The following HDAC9 variants were observed in gnomAD, a reference collection of about 807,000 sequenced individuals.
HDAC9 encodes the protein histone deacetylase 9.
A neutral mutation model predicts 139.4 loss-of-function variants in HDAC9; 41 were observed. That is an observed-to-expected ratio of 0.29 (90% CI 0.23 to 0.38). The LOEUF (loss-of-function observed/expected upper bound fraction) is 0.38, where lower values mean the gene tolerates loss of function less well. HDAC9 is among the 10% of genes least tolerant of loss of function. HDAC9 has a pLI of 1.00. For missense variants in HDAC9, 1,147 were observed against 1,297.0 expected (o/e 0.88, Z 1.78); for synonymous variants, 517 against 476.2 (o/e 1.09, Z -1.12).
At position 18,893,040 on chromosome 7, in the gene HDAC9, A is replaced by AG. The variant is rs1196841109; in HGVS notation, c.2803+18444_2803+18445insG. On this transcript the variant is annotated intron_variant, in intron 22 of 25. Transcript: ENST00000686413. ...TCAAGTAGGTAATAGGCCGAAAAAA[A>AG]AAAAAAAAAAAAAAGAAAAGAAAAG... Among the ~76,000 whole-genome samples, 444 of 148,648 alleles carry AG rather than the reference A, an allele frequency of 3.0e-3. 1 individual carries two copies. Among genetic ancestry groups the AG allele is most frequent in the Non-Finnish European group, 5.6e-3 (380 of 67,302 alleles).
chr7:18,933,028 G>C (rs551426007), intron 22 of HDAC9, among the ~76,000 whole-genome samples: 17 of 152,286 alleles, frequency 1.1e-4, no homozygotes, highest in African/African-American at 3.8e-4. Flanking sequence ...TAGTGTCCCA[G>C]ATATCCAGCA....
intron 22 of HDAC9, among the ~76,000 whole-genome samples, chr7:18,923,127 AG>A (rs770456854): frequency 6.6e-6 from 1 of 152,084 alleles, no homozygotes; most frequent in Non-Finnish European, 1.5e-5. Flanking sequence ...TATTTTCTGA[AG>A]CTATAATACT....
At chr7:18,793,270 C>CT in intron 16 of HDAC9, 75 bp from the exon 17 acceptor site, 1 of 1,034,148 alleles carries the variant, frequency 9.7e-7, no homozygotes, top group Admixed American at 2.0e-5. Flanking sequence ...ACCTCTTCCC[C>CT]TTTTACCCCT....
At chr7:18,332,384 TGTGTGTGTGAGAGA>T (rs1050530078) in intron 1 of HDAC9, among the ~76,000 whole-genome samples, 28 of 144,380 alleles carry the variant, frequency 1.9e-4, no homozygotes, top group African/African-American at 7.0e-4. Context: ...TGTGTGTGTG[TGTGTGTGTGAGAGA>T]GAGAGAGAGA....
At chr7:18,920,663 G>A (rs1378992650) in intron 22 of HDAC9, among the ~76,000 whole-genome samples, 1 of 152,044 alleles carries the variant, frequency 6.6e-6, no homozygotes, top group East Asian at 1.9e-4. Context: ...TTTGAGATAT[G>A]TCCCATCAAT....
chr7:18,214,764 A>T (rs1792180143), intron 2 of HDAC9, among the ~76,000 whole-genome samples: 3 of 152,170 alleles, frequency 2.0e-5, no homozygotes, highest in Non-Finnish European at 4.4e-5. Flanking sequence ...TCATTAGTGA[A>T]TGCAGCAGGG....
At chr7:18,744,387 T>C (rs1379634013) in intron 13 of HDAC9, among the ~76,000 whole-genome samples, 2 of 152,196 alleles carry the variant, frequency 1.3e-5, no homozygotes, top group Non-Finnish European at 2.9e-5. Flanking sequence ...TTCTGCATCT[T>C]CCAGGAGAAT....
intron 12 of HDAC9, among the ~76,000 whole-genome samples, chr7:18,699,836 T>C (rs1783329549): frequency 6.6e-6 from 1 of 152,148 alleles, no homozygotes; most frequent in East Asian, 1.9e-4. Flanking sequence ...ATAAAATCTT[T>C]TACTATTTGG....
intron 1 of HDAC9, among the ~76,000 whole-genome samples, chr7:18,125,453 G>T (rs1019998061): frequency 6.6e-6 from 1 of 151,938 alleles, no homozygotes; most frequent in African/African-American, 2.4e-5. Context: ...GTGTGTGTGT[G>T]TGTTAAATGG....
chr7:18,648,408 G>T, intron 10 of HDAC9, 58 bp from the exon 11 acceptor site: 1 of 1,163,822 alleles, frequency 8.6e-7, no homozygotes. Flanking sequence ...GTGTGTGTGT[G>T]TATGTGTGTG....
chr7:18,131,883 TG>T (rs1785036402), intron 1 of HDAC9, among the ~76,000 whole-genome samples: 2 of 152,240 alleles, frequency 1.3e-5, no homozygotes, highest in African/African-American at 4.8e-5. Flanking sequence ...TATAGATAAT[TG>T]GGAGTCAAAA....
At chr7:18,680,564 C>G (rs1032245626) in intron 12 of HDAC9, among the ~76,000 whole-genome samples, 2 of 151,872 alleles carry the variant, frequency 1.3e-5, no homozygotes, top group Non-Finnish European at 2.9e-5. Context: ...CAAGTTCAGG[C>G]CCAGGGAGGT....
At chr7:18,750,393 T>C (rs575445231) in intron 14 of HDAC9, among the ~76,000 whole-genome samples, 1 of 144,052 alleles carries the variant, frequency 6.9e-6, no homozygotes, top group African/African-American at 2.6e-5. Context: ...TGTGAATGAA[T>C]ATACCACAAC....
intron 1 of HDAC9, among the ~76,000 whole-genome samples, chr7:18,155,536 A>G (rs1584366453): frequency 6.6e-6 from 1 of 152,218 alleles, no homozygotes; most frequent in East Asian, 1.9e-4. Context: ...ACTGAATCTT[A>G]TCTTAAATAT....
chr7:18,750,713 A>G (rs568925841), intron 14 of HDAC9, among the ~76,000 whole-genome samples: 3 of 152,086 alleles, frequency 2.0e-5, no homozygotes, highest in Non-Finnish European at 2.9e-5. Flanking sequence ...TCTCTTTTCT[A>G]TGCAATCCCA....
At chr7:18,133,373 G>A (rs1054797466) in intron 1 of HDAC9, among the ~76,000 whole-genome samples, 2 of 152,118 alleles carry the variant, frequency 1.3e-5, no homozygotes, top group Admixed American at 6.6e-5. Flanking sequence ...TAGTTAAGCA[G>A]TGGTGATATT....
chr7:18,901,363 C>T (rs1394511350), intron 22 of HDAC9, among the ~76,000 whole-genome samples: 3 of 151,586 alleles, frequency 2.0e-5, no homozygotes, highest in South Asian at 2.1e-4. Context: ...TAAAAAAAAT[C>T]CTCTTTTTTC....
chr7:18,099,028 A>T (rs1047444862), intron 1 of HDAC9, among the ~76,000 whole-genome samples: 1 of 152,174 alleles, frequency 6.6e-6, no homozygotes, highest in Admixed American at 6.5e-5. Context: ...GAGGAAGGGA[A>T]CTTTCCTTTG....
intron 1 of HDAC9, among the ~76,000 whole-genome samples, chr7:18,440,957 A>G (rs1307359161): frequency 6.6e-6 from 1 of 152,188 alleles, no homozygotes; most frequent in Non-Finnish European, 1.5e-5. Context: ...AATGATATTA[A>G]CTGCTTTAAT....
Sources: allele counts gnomAD v4.1 joint callset (sites outside exome capture counted in the v4.1 genomes callset), GRCh38; gene constraint gnomAD v4.1.1; transcripts MANE v1.5; gene names NCBI Gene and HGNC (gene_info 2026-07-23, HGNC 2026-07-21).